Variants in KIAA1671 observed in about 807,000 individuals in gnomAD.
KIAA1671 encodes KIAA1671, also known as uncharacterized protein KIAA1671.
Under a neutral mutation model 131.2 loss-of-function variants are expected in KIAA1671, and 52 were observed. The ratio of observed to expected loss-of-function variants is 0.40; its 90% CI spans 0.32 to 0.50. The LOEUF (loss-of-function observed/expected upper bound fraction) is 0.50, where lower values mean the gene tolerates loss of function less well. Among genes scored for constraint, KIAA1671 ranks in the 20% least tolerant of loss-of-function variants. The pLI is 0.73. For missense variants in KIAA1671, 2,360 were observed against 2,364.2 expected, an observed-to-expected ratio of 1.00 and a Z score of 0.04; for synonymous variants, 1,003 against 961.6, an observed-to-expected ratio of 1.04 and a Z score of -0.80.
In KIAA1671 at chr22:25,039,022, G is replaced by A; in HGVS notation, c.1892G>A (p.Cys631Tyr). The change falls in exon 5 of 13, where the codon TGT becomes TAT. Residue 631 changes from cysteine to tyrosine, a missense_variant. Cys to Tyr is a radical substitution (Grantham distance 194). Coordinates refer to ENST00000358431, the MANE Select transcript of KIAA1671 (RefSeq NM_001145206.2). Reference sequence around the variant, plus strand: ...ACAGTGGCTGACCAGTCGGGACGTTGTCTCTCCACCACACCCCCTGGTGAC... The same window carrying A: ...ACAGTGGCTGACCAGTCGGGACGTTATCTCTCCACCACACCCCCTGGTGAC... ...RHTVADQSGRCLSTTPPGDMA... is the reference protein window; with the variant it reads ...RHTVADQSGRYLSTTPPGDMA... The A allele has an allele frequency of 6.4e-7, 1 of 1,551,710 alleles. No homozygotes were observed. The highest frequency in any genetic ancestry group is 8.7e-7 in the Non-Finnish European group (1 of 1,147,030).
intron 1 of KIAA1671, chr22:25,012,787 T>C (rs1432263449): frequency 5.3e-5 from 8 of 152,174 alleles, no homozygotes; most frequent in African/African-American, 1.9e-4. Context: ...ATGATGGAGA[T>C]GTAGGTGTTA....
intron 1 of KIAA1671, among the ~76,000 whole-genome samples, chr22:24,988,488 C>A (rs1923671290): frequency 6.6e-6 from 1 of 151,796 alleles, no homozygotes; most frequent in South Asian, 2.1e-4. Context: ...TGCCTGTAAT[C>A]CTAACACTTT....
intron 6 of KIAA1671, among the ~76,000 whole-genome samples, chr22:25,083,880 G>C (rs374044904): frequency 2.0e-5 from 3 of 152,156 alleles, no homozygotes; most frequent in Admixed American, 6.5e-5. Context: ...ACCTGCCCAG[G>C]GGGGAGTGCC....
At chr22:25,089,609 T>A (rs1568948923) in intron 6 of KIAA1671, among the ~76,000 whole-genome samples, 1 of 152,212 alleles carries the variant, frequency 6.6e-6, no homozygotes, top group African/African-American at 2.4e-5. Context: ...CAGATCTTGC[T>A]ATGCATAGTT....
intron 1 of KIAA1671, among the ~76,000 whole-genome samples, chr22:25,007,944 C>A (rs575545810): frequency 6.6e-6 from 1 of 151,926 alleles, no homozygotes; most frequent in Non-Finnish European, 1.5e-5. Context: ...GTCTGTAATC[C>A]CAGCACTTGG....
At chr22:25,134,081 C>A (rs1932569965) in intron 6 of KIAA1671, among the ~76,000 whole-genome samples, 1 of 152,208 alleles carries the variant, frequency 6.6e-6, no homozygotes, top group African/African-American at 2.4e-5. Flanking sequence ...TGGAGCAAGC[C>A]TGAAGGCAGA....
intron 1 of KIAA1671, among the ~76,000 whole-genome samples, chr22:24,997,415 G>T (rs907539501): frequency 4.6e-5 from 7 of 152,180 alleles, no homozygotes; most frequent in African/African-American, 1.4e-4. Context: ...TCCAGATTTT[G>T]ACTTCTCCCA....
chr22:24,987,859 T>C (rs933913060), intron 1 of KIAA1671, among the ~76,000 whole-genome samples: 2 of 152,320 alleles, frequency 1.3e-5, no homozygotes, highest in South Asian at 4.1e-4. Flanking sequence ...CTTTCTGAAG[T>C]AGAACCTGGA....
intron 6 of KIAA1671, among the ~76,000 whole-genome samples, chr22:25,168,839 A>G (rs1239700945): frequency 6.6e-6 from 1 of 152,128 alleles, no homozygotes; most frequent in Non-Finnish European, 1.5e-5. Flanking sequence ...GTATGTAGTA[A>G]GCCAAAGAGT....
At chr22:25,082,254 T>A (rs1224691862) in intron 6 of KIAA1671, among the ~76,000 whole-genome samples, 1 of 152,164 alleles carries the variant, frequency 6.6e-6, no homozygotes, top group African/African-American at 2.4e-5. Flanking sequence ...CATTAACTTA[T>A]CTCATAGTTG....
At chr22:25,133,768 G>C (rs979472426) in intron 6 of KIAA1671, among the ~76,000 whole-genome samples, 6 of 152,138 alleles carry the variant, frequency 3.9e-5, no homozygotes, top group Non-Finnish European at 8.8e-5. Flanking sequence ...AGCTGATCTT[G>C]AACTCCTGGG....
chr22:25,009,962 T>C (rs1270586891), intron 1 of KIAA1671: 1 of 152,222 alleles, frequency 6.6e-6, no homozygotes, highest in East Asian at 1.9e-4. Flanking sequence ...CAGTATCTGC[T>C]TACCCATTTG....
chr22:25,140,687 G>T (rs553437657), intron 6 of KIAA1671, among the ~76,000 whole-genome samples: 1 of 152,334 alleles, frequency 6.6e-6, no homozygotes, highest in South Asian at 2.1e-4. Flanking sequence ...CGTGAGGGTC[G>T]ATGCCAGAGA....
chr22:25,080,283 A>T (rs1230548944), intron 6 of KIAA1671, among the ~76,000 whole-genome samples: 2 of 152,142 alleles, frequency 1.3e-5, no homozygotes, highest in Admixed American at 1.3e-4. Flanking sequence ...TGCCCTGCCC[A>T]TGCCTAAGAG....
intron 1 of KIAA1671, among the ~76,000 whole-genome samples, chr22:25,003,831 ATT>A (rs200843388): frequency 5.6e-5 from 8 of 142,452 alleles, no homozygotes; most frequent in Admixed American, 7.1e-5. Flanking sequence ...AGAAAATAGG[ATT>A]TTTTTTTTTT....
At chr22:25,082,212 C>A (rs1228886117) in intron 6 of KIAA1671, among the ~76,000 whole-genome samples, 3 of 152,180 alleles carry the variant, frequency 2.0e-5, no homozygotes, top group South Asian at 2.1e-4. Context: ...GCCACCACCC[C>A]CTCTGGGCCC....
intron 6 of KIAA1671, among the ~76,000 whole-genome samples, chr22:25,149,697 G>C (rs1932972260): frequency 6.6e-6 from 1 of 152,116 alleles, no homozygotes; most frequent in African/African-American, 2.4e-5. Context: ...GGACAGTGGT[G>C]GTGGTCTCTC....
intron 1 of KIAA1671, chr22:25,012,146 T>C (rs1009456832): frequency 6.6e-6 from 1 of 152,260 alleles, no homozygotes; most frequent in Non-Finnish European, 1.5e-5. Context: ...GCCAATATCA[T>C]GTTCTTTCCA....
chr22:25,052,418 T>C (rs1434285939), intron 6 of KIAA1671: 2 of 152,148 alleles, frequency 1.3e-5, no homozygotes, highest in African/African-American at 2.4e-5. Context: ...GCCTCACTTT[T>C]CCTCCTCTAT....
Sources: allele counts gnomAD v4.1 joint callset (sites outside exome capture counted in the v4.1 genomes callset), GRCh38; gene constraint gnomAD v4.1.1; transcripts MANE v1.5; gene names NCBI Gene and HGNC (gene_info 2026-07-23, HGNC 2026-07-21).